MSRA: variants seen among roughly 807,000 people sequenced by gnomAD.
The protein encoded by MSRA is mitochondrial peptide methionine sulfoxide reductase.
A neutral mutation model predicts 31.3 loss-of-function variants in MSRA; 54 were observed. The ratio of observed to expected loss-of-function variants is 1.73; its 90% CI spans 1.39 to 2.17. The LOEUF is 2.17. Among genes scored for constraint, MSRA ranks in the 30% most tolerant of loss-of-function variants. MSRA has a pLI of 0.00. For missense variants in MSRA, 507 were observed against 300.9 expected (o/e 1.69, Z -5.07); for synonymous variants, 169 against 116.5 (o/e 1.45, Z -2.90).
chr8:10,381,299 C>G (rs1806054383), intron 5 of MSRA, among the ~76,000 whole-genome samples: 1 of 152,194 alleles, frequency 6.6e-6, no homozygotes, highest in South Asian at 2.1e-4. Flanking sequence ...TTGATCCACC[C>G]TATTCCTAAC....
intron 5 of MSRA, among the ~76,000 whole-genome samples, chr8:10,373,539 T>C (rs1237449111): frequency 6.6e-6 from 1 of 152,256 alleles, no homozygotes; most frequent in African/African-American, 2.4e-5. Context: ...GCCCAGCTAC[T>C]GACTGGTACT....
At chr8:10,080,841 G>A (rs1487611707) in intron 1 of MSRA, among the ~76,000 whole-genome samples, 2 of 152,060 alleles carry the variant, frequency 1.3e-5, no homozygotes, top group Non-Finnish European at 2.9e-5. Context: ...GCCTGGCCTT[G>A]GCAGCCTCAT....
At chr8:10,298,960 T>A (rs577401989) in intron 3 of MSRA, among the ~76,000 whole-genome samples, 1 of 152,334 alleles carries the variant, frequency 6.6e-6, no homozygotes, top group African/African-American at 2.4e-5. Context: ...TGGCTCTTGC[T>A]ACATACACCC....
At position 10,347,772 on chromosome 8, in the gene MSRA, C is replaced by T. The variant is rs776822382; in HGVS notation, c.543+27783C>T. Among the ~76,000 whole-genome samples, 168 of 152,348 alleles carry T rather than the reference C, an allele frequency of 1.1e-3. 1 individual carries two copies. The highest frequency in any genetic ancestry group is 0.01 in the Middle Eastern group (3 of 294). ...AGTGTTCATTACTCCTTGCCACACA[C>T]TTGACTTTTCAATCCCGTTACCCTA... On this transcript the variant is annotated intron_variant, in intron 5 of 5. Coordinates refer to ENST00000317173, the MANE Select transcript of MSRA (RefSeq NM_012331.5).
At chr8:10,221,988 C>G (rs562205968) in intron 2 of MSRA, among the ~76,000 whole-genome samples, 1 of 151,872 alleles carries the variant, frequency 6.6e-6, no homozygotes, top group East Asian at 1.9e-4. Flanking sequence ...AAGGGCAATT[C>G]ACAGGTAATT....
At chr8:10,391,899 G>A (rs1806773104) in intron 5 of MSRA, among the ~76,000 whole-genome samples, 2 of 152,120 alleles carry the variant, frequency 1.3e-5, no homozygotes, top group African/African-American at 4.8e-5. Context: ...ATCATGCAGT[G>A]AACATTTCCT....
rs763676899 is a variant in MSRA, at chr8:10,319,940, C to A, written c.494C>A (p.Ser165Tyr). 3 of 1,602,682 alleles carry A rather than the reference C, an allele frequency of 1.9e-6. No individual in the cohort carries two copies. Among genetic ancestry groups the A allele is most frequent in the Non-Finnish European group, 2.6e-6 (3 of 1,174,872 alleles). Reference sequence around the variant, plus strand: ...TACCGCTCGGCCATCTACCCGACCTCTGCCAAGCAAATGGAGGCAGCCCTG... The same window carrying A: ...TACCGCTCGGCCATCTACCCGACCTATGCCAAGCAAATGGAGGCAGCCCTG... ...TQYRSAIYPT[S>Y]AKQMEAALSS... The change falls in exon 5 of 6, where the codon TCT becomes TAT. Residue 165 changes from serine to tyrosine, a missense_variant. Transcript: ENST00000317173.
intron 2 of MSRA, among the ~76,000 whole-genome samples, chr8:10,220,400 C>G (rs1027198214): frequency 6.6e-6 from 1 of 152,174 alleles, no homozygotes; most frequent in African/African-American, 2.4e-5. Flanking sequence ...TCATGGTAGA[C>G]ATTACCATGA....
At chr8:10,196,342 G>A (rs1222148750) in intron 1 of MSRA, among the ~76,000 whole-genome samples, 1 of 152,106 alleles carries the variant, frequency 6.6e-6, no homozygotes, top group Non-Finnish European at 1.5e-5. Flanking sequence ...TGACTTGGGT[G>A]ATAGGATGAG....
intron 2 of MSRA, among the ~76,000 whole-genome samples, chr8:10,218,112 TTCTA>T (rs1404991529): frequency 2.9e-5 from 4 of 140,104 alleles, no homozygotes; most frequent in African/African-American, 8.0e-5. Flanking sequence ...CCGGTTCCTT[TTCTA>T]TTTATTTATT....
At chr8:10,353,184 C>T (rs113230094) in intron 5 of MSRA, among the ~76,000 whole-genome samples, 14 of 152,188 alleles carry the variant, frequency 9.2e-5, no homozygotes, top group Non-Finnish European at 1.8e-4. Flanking sequence ...AAGCAATGCT[C>T]AAGGTAGTTG....
intron 1 of MSRA, among the ~76,000 whole-genome samples, chr8:10,178,214 G>C (rs1455453731): frequency 6.6e-6 from 1 of 152,096 alleles, no homozygotes; most frequent in African/African-American, 2.4e-5. Context: ...AGGAGACCCA[G>C]GGGTGTATTC....
intron 5 of MSRA, among the ~76,000 whole-genome samples, chr8:10,426,286 G>C (rs1034780637): frequency 6.6e-6 from 1 of 152,204 alleles, no homozygotes; most frequent in Non-Finnish European, 1.5e-5. Flanking sequence ...CTTCCATTCC[G>C]TCAAGCTGGA....
intron 3 of MSRA, among the ~76,000 whole-genome samples, chr8:10,296,542 C>T (rs1408684202): frequency 1.3e-5 from 2 of 152,184 alleles, no homozygotes; most frequent in South Asian, 4.1e-4. Context: ...TAAGCTACTT[C>T]TTGTGACTTC....
At chr8:10,300,232 A>C (rs1230053504) in intron 3 of MSRA, among the ~76,000 whole-genome samples, 1 of 151,864 alleles carries the variant, frequency 6.6e-6, no homozygotes, top group Non-Finnish European at 1.5e-5. Context: ...GCAGTAGTAT[A>C]GGTGATTTGT....
In MSRA at chr8:10,315,522, C is replaced by T. The variant is rs147362725; in HGVS notation, c.437-4361C>T. ...CGTATCTATTTTATGTACCTTTGTA[C>T]ATTTATGTCTTATGTACTTTTCTGT... On this transcript the variant is annotated intron_variant, in intron 4 of 5. Coordinates refer to ENST00000317173, the MANE Select transcript of MSRA (RefSeq NM_012331.5). 1.4e-3 allele frequency among the ~76,000 whole-genome samples: 211 copies of T among 152,254 alleles called. 1 individual carries two copies. Among genetic ancestry groups the T allele is most frequent in the African/African-American group, 4.8e-3 (200 of 41,534 alleles).
intron 1 of MSRA, among the ~76,000 whole-genome samples, chr8:10,123,567 G>A (rs1276375752): frequency 6.6e-6 from 1 of 152,008 alleles, no homozygotes; most frequent in African/African-American, 2.4e-5. Context: ...AATTGCTTTT[G>A]GCATCTTCAT....
At chr8:10,204,131 T>C (rs1808738647) in intron 1 of MSRA, among the ~76,000 whole-genome samples, 1 of 151,896 alleles carries the variant, frequency 6.6e-6, no homozygotes, top group South Asian at 2.1e-4. Context: ...TTTCATATAA[T>C]TGTACAATGT....
intron 3 of MSRA, among the ~76,000 whole-genome samples, chr8:10,251,369 A>C (rs13252180): frequency 0.57 from 85,914 of 151,918 alleles, 25,170 homozygotes; most frequent in Non-Finnish European, 0.64. Flanking sequence ...AAATTCCTTG[A>C]AGACTGCATT....
Sources: allele counts gnomAD v4.1 joint callset (sites outside exome capture counted in the v4.1 genomes callset), GRCh38; gene constraint gnomAD v4.1.1; transcripts MANE v1.5; gene names NCBI Gene and HGNC (gene_info 2026-07-23, HGNC 2026-07-21).